Variants in PDE3B observed in about 807,000 individuals in gnomAD.
The protein encoded by PDE3B is cGMP-inhibited 3',5'-cyclic phosphodiesterase 3B.
A neutral mutation model predicts 116.8 loss-of-function variants in PDE3B; 66 were observed. That is an observed-to-expected ratio of 0.56 (90% confidence interval 0.46 to 0.69). The LOEUF (loss-of-function observed/expected upper bound fraction) is 0.69. Among genes scored for constraint, PDE3B ranks in the 30% least tolerant of loss-of-function variants. PDE3B has a pLI of 0.00. For synonymous variants in PDE3B, 595 were observed against 533.6 expected, an observed-to-expected ratio of 1.12 and a Z score of -1.59; for missense variants, 1,384 against 1,368.1, an observed-to-expected ratio of 1.01 and a Z score of -0.18.
intron 1 of PDE3B, among the ~76,000 whole-genome samples, chr11:14,765,167 C>A (rs1261342253): frequency 1.3e-5 from 2 of 151,902 alleles, no homozygotes; most frequent in Non-Finnish European, 2.9e-5. Flanking sequence ...AAAATGTCAT[C>A]AAGAAATGGG....
intron 13 of PDE3B, among the ~76,000 whole-genome samples, chr11:14,860,901 A>AATT (rs1245757979): frequency 7.6e-6 from 1 of 130,818 alleles, no homozygotes; most frequent in African/African-American, 2.6e-5. Context: ...TATACTTAAT[A>AATT]AATACATATA....
chr11:14,725,576 T>C, intron 1 of PDE3B, among the ~76,000 whole-genome samples: 5 of 78,448 alleles, frequency 6.4e-5, no homozygotes, highest in Admixed American at 2.7e-4. Context: ...CTCTCCCCTC[T>C]CCCTCCCTCC....
At position 14,779,104 on chromosome 11, in the gene PDE3B, G is replaced by T. The variant is rs554130013; in HGVS notation, c.1029+7117G>T. 1.1e-4 allele frequency among the ~76,000 whole-genome samples: 16 copies of T among 152,206 alleles called. No homozygotes were observed. In the South Asian group the frequency reaches 3.3e-3, roughly 32 times the overall value. On this transcript the variant is annotated intron_variant, in intron 2 of 15. Transcript: ENST00000282096. ...GAAGATCAGATGAATGAAATGAAGCGAGAAGAGAAATTTAGAGAAAAAAGA... is the reference window on the plus strand; with the variant it reads ...GAAGATCAGATGAATGAAATGAAGCTAGAAGAGAAATTTAGAGAAAAAAGA...
At chr11:14,732,703 C>T (rs1856492948) in intron 1 of PDE3B, among the ~76,000 whole-genome samples, 1 of 152,106 alleles carries the variant, frequency 6.6e-6, no homozygotes, top group South Asian at 2.1e-4. Context: ...TCCAAATCTG[C>T]ACATACTCAG....
At chr11:14,832,531 T>C (rs1859917875) in intron 9 of PDE3B, among the ~76,000 whole-genome samples, 191 bp from the exon 10 acceptor site, 2 of 152,176 alleles carry the variant, frequency 1.3e-5, no homozygotes, top group African/African-American at 4.8e-5. Flanking sequence ...TAATTTTCAG[T>C]GGCTTTAGGG....
chr11:14,811,821 C>A (rs1859141498), intron 5 of PDE3B, among the ~76,000 whole-genome samples: 1 of 152,092 alleles, frequency 6.6e-6, no homozygotes, highest in African/African-American at 2.4e-5. Context: ...TTTCCTTGAG[C>A]AGTGGTTTGT....
chr11:14,662,473 G>A (rs1003619076), intron 1 of PDE3B, among the ~76,000 whole-genome samples: 7 of 152,124 alleles, frequency 4.6e-5, no homozygotes, highest in Non-Finnish European at 8.8e-5. Context: ...ACTTTGACGA[G>A]TTGAGAGAAG....
At chr11:14,770,121 A>G (rs1045166316) in intron 1 of PDE3B, among the ~76,000 whole-genome samples, 14 of 151,548 alleles carry the variant, frequency 9.2e-5, no homozygotes, top group Non-Finnish European at 1.8e-4. Flanking sequence ...AATGTGGATC[A>G]GATGATAGTA....
At chr11:14,657,114 A>G (rs1051456606) in intron 1 of PDE3B, among the ~76,000 whole-genome samples, 5 of 152,216 alleles carry the variant, frequency 3.3e-5, no homozygotes, top group East Asian at 1.9e-4. Flanking sequence ...AAAATGTGTC[A>G]GCTGCTACAG....
intron 1 of PDE3B, among the ~76,000 whole-genome samples, chr11:14,766,633 A>G (rs1175997030): frequency 1.3e-5 from 2 of 151,574 alleles, no homozygotes; most frequent in Non-Finnish European, 3.0e-5. Flanking sequence ...AGCATAATGT[A>G]TTTTAACCAC....
intron 1 of PDE3B, chr11:14,673,718 C>T: frequency 2.6e-6 from 2 of 758,380 alleles, no homozygotes; most frequent in East Asian, 5.0e-5. Flanking sequence ...TCTTCTCATC[C>T]AGAGGTGTAT....
chr11:14,767,115 GTC>G (rs910172558), intron 1 of PDE3B, among the ~76,000 whole-genome samples: 1 of 151,494 alleles, frequency 6.6e-6, no homozygotes, highest in Non-Finnish European at 1.5e-5. Flanking sequence ...TGTAGTTTTT[GTC>G]TCTTTTAGGA....
chr11:14,861,363 G>A lies in PDE3B; in HGVS notation c.2883G>A (p.Glu961=). Residue 961 remains glutamate, a synonymous_variant, in exon 14 of 16, where the codon GAG becomes GAA. Transcript: ENST00000282096. ...WTEGIVNEFY[E]QGDEEANLGL... ...AAGGCATTGTCAATGAATTTTATGA[G>A]CAGGTAAGTTGAAACCTGAGCTTGG... 2 of 1,612,940 alleles carry A rather than the reference G, an allele frequency of 1.2e-6. No homozygotes were observed. The highest frequency in any genetic ancestry group is 1.7e-6 in the Non-Finnish European group (2 of 1,179,210).
chr11:14,844,263 T>G (rs970889844), intron 12 of PDE3B, among the ~76,000 whole-genome samples: 2 of 152,226 alleles, frequency 1.3e-5, no homozygotes, highest in African/African-American at 4.8e-5. Context: ...ACTCATTGTT[T>G]TGTGAAATTC....
rs1046406427 is a variant in PDE3B at position 14,643,826 on chromosome 11, A to T, written c.-250A>T. ...TCCAGTCCCGAGAGGTGCCCGAGGG[A>T]AAAGGAGGCGGCAGCTAAACTGGTC... On this transcript the variant is annotated 5_prime_UTR_variant, in exon 1 of 16. Coordinates refer to ENST00000282096, the MANE Select transcript of PDE3B (RefSeq NM_000922.4). 1 of 444,944 alleles carries T rather than the reference A, an allele frequency of 2.2e-6. No homozygotes were observed. 27.6% of individuals were successfully genotyped at this position (444,944 alleles called of 1,614,324 possible).
At chr11:14,854,444 C>G (rs1847811383) in intron 12 of PDE3B, among the ~76,000 whole-genome samples, 1 of 152,188 alleles carries the variant, frequency 6.6e-6, no homozygotes, top group Non-Finnish European at 1.5e-5. Flanking sequence ...ATAGTTCCCA[C>G]TCACTCATCC....
intron 1 of PDE3B, among the ~76,000 whole-genome samples, chr11:14,685,258 G>A (rs761650661): frequency 2.0e-5 from 3 of 151,832 alleles, no homozygotes; most frequent in South Asian, 2.1e-4. Flanking sequence ...AGCTCCAGCC[G>A]GTCCCTCCGT....
At chr11:14,862,985 A>G (rs551570919) in intron 14 of PDE3B, among the ~76,000 whole-genome samples, 22 of 152,076 alleles carry the variant, frequency 1.4e-4, no homozygotes, top group Non-Finnish European at 2.4e-4. Flanking sequence ...TGCTGCACCC[A>G]TCAACCTGTC....
chr11:14,721,564 C>T (rs1269275296), intron 1 of PDE3B, among the ~76,000 whole-genome samples: 2 of 151,056 alleles, frequency 1.3e-5, no homozygotes. Flanking sequence ...GAAAATGTGG[C>T]ACATATACAC....
Sources: gnomAD v4.1 joint callset for allele counts (sites outside exome capture counted in the v4.1 genomes callset) on GRCh38, gnomAD v4.1.1 for gene constraint, MANE v1.5 for transcripts, NCBI Gene and HGNC (gene_info 2026-07-23, HGNC 2026-07-21) for gene names.